Variants in ZDHHC7 observed in about 807,000 individuals in gnomAD.
The protein encoded by ZDHHC7 is zDHHC palmitoyltransferase 7.
In ZDHHC7, 12 loss-of-function variants were observed where a neutral mutation model predicts 34.1. The observed-to-expected ratio is 0.35, with a 90% CI of 0.23 to 0.57. The LOEUF (loss-of-function observed/expected upper bound fraction) is 0.57. ZDHHC7 is among the 20% of genes least tolerant of loss of function. The pLI is 0.84. For synonymous variants in ZDHHC7, 185 were observed against 155.4 expected, an observed-to-expected ratio of 1.19 and a Z score of -1.42; for missense variants, 388 against 402.7, an observed-to-expected ratio of 0.96 and a Z score of 0.31.
At chr16:85,004,017 T>C (rs2072685776) in intron 1 of ZDHHC7, among the ~76,000 whole-genome samples, 1 of 152,090 alleles carries the variant, frequency 6.6e-6, no homozygotes, top group South Asian at 2.1e-4. Flanking sequence ...AACCTCAGTT[T>C]CACGAAGTTT....
chr16:84,996,069 T>G (rs2072572709), intron 1 of ZDHHC7, 62 bp from the exon 2 acceptor site: 1 of 152,214 alleles, frequency 6.6e-6, no homozygotes. Flanking sequence ...GTGTGTCATA[T>G]TTCTTAGGGT....
the ZDHHC7 span, among the ~76,000 whole-genome samples, chr16:85,021,904 C>A: frequency 3.3e-5 from 5 of 151,802 alleles, no homozygotes; most frequent in Non-Finnish European, 7.4e-5. Context: ...CGCCTGTAAT[C>A]GCAGCACTTT....
intron 3 of ZDHHC7, chr16:84,988,981 C>T: frequency 8.8e-7 from 1 of 1,133,452 alleles, no homozygotes; most frequent in Non-Finnish European, 1.3e-6. Context: ...CAAGGGGTTT[C>T]TGCTGCAGCC....
upstream of ZDHHC7, among the ~76,000 whole-genome samples, chr16:85,012,673 G>A (rs986676873): frequency 2.0e-5 from 3 of 152,118 alleles, no homozygotes; most frequent in African/African-American, 7.2e-5. Flanking sequence ...AGGAGGCCGA[G>A]GCAGGCAGAT....
At chr16:84,988,361 A>G (rs1156244556) in intron 3 of ZDHHC7, among the ~76,000 whole-genome samples, 4 of 152,092 alleles carry the variant, frequency 2.6e-5, no homozygotes, top group Admixed American at 1.3e-4. Flanking sequence ...TGGATGCACT[A>G]AACACCACGG....
rs751003316 is a variant in ZDHHC7 at position 84,979,265 on chromosome 16, C to T, written c.461G>A (p.Arg154Gln). ...CCACGGGCAGTGATGATCCATTTTCCGAATACATCTTTTGCAAATACTGAA... is the reference window on the plus strand; with the variant it reads ...CCACGGGCAGTGATGATCCATTTTCTGAATACATCTTTTGCAAATACTGAA... ...HHCSICKRCI[R>Q]KMDHHCPWVN... Residue 154 changes from arginine to glutamine, a missense_variant, in exon 5 of 8, where the codon CGG becomes CAG. Physicochemically the swap from Arg to Gln is conservative, Grantham distance 43 (BLOSUM62 1). Transcript: ENST00000313732. The T allele has an allele frequency of 2.4e-5, 39 of 1,609,004 alleles. No homozygotes were observed. The Admixed American group carries it at 6.0e-4, about 25-fold the overall frequency.
At chr16:85,017,955 C>T in the ZDHHC7 span, among the ~76,000 whole-genome samples, 1 of 152,140 alleles carries the variant, frequency 6.6e-6, no homozygotes, top group Non-Finnish European at 1.5e-5. Context: ...TTTCTTGGAA[C>T]TGTGGTGCCA....
At chr16:85,021,989 T>C in the ZDHHC7 span, among the ~76,000 whole-genome samples, 2 of 149,214 alleles carry the variant, frequency 1.3e-5, no homozygotes, top group Non-Finnish European at 3.0e-5. Flanking sequence ...ACCCTGTCTG[T>C]ACTAAAAATA....
chr16:85,017,997 GA>G, the ZDHHC7 span, among the ~76,000 whole-genome samples: 1 of 152,072 alleles, frequency 6.6e-6, no homozygotes, highest in Non-Finnish European at 1.5e-5. Context: ...GGTGTTCTTG[GA>G]ACTGTCGAGA....
rs1038982546 is a variant in ZDHHC7, at chr16:84,986,947, C to A, written c.315+3357G>T. Among the ~76,000 whole-genome samples the A allele has an allele frequency of 3.3e-5, 5 of 152,198 alleles. 1 individual carries two copies. Among genetic ancestry groups the A allele is most frequent in the South Asian group, 2.1e-4 (1 of 4,832 alleles). ...CCCCACTGGGAGAACAGAGGTGACA[C>A]CTGACCCTGCTGGGCCATGCCCACT... On this transcript the variant is annotated intron_variant, in intron 3 of 7. Coordinates refer to ENST00000313732, the MANE Select transcript of ZDHHC7 (RefSeq NM_017740.3).
Position 84,981,961 on chromosome 16 carries a change from A to G in ZDHHC7, c.349T>C (p.Tyr117His), listed in dbSNP as rs1171808249. The G allele has an allele frequency of 6.2e-7, 1 of 1,614,206 alleles. No homozygotes were observed. Among genetic ancestry groups the G allele is most frequent in the Admixed American group, 1.7e-5 (1 of 60,026 alleles). ...GGCTTCAGCTGCAAGCTCTCCATGT[A>G]TTCTTTCGTAGCGTTTCCTTTGGGT... ...AVPKGNATKE[Y>H]MESLQLKPGE... The change falls in exon 4 of 8, where the codon TAC (tyrosine) becomes CAC (histidine). Residue 117 changes from tyrosine (Y) to histidine (H), a missense_variant. Physicochemically the swap from Tyr to His is moderately conservative, Grantham distance 83 (BLOSUM62 2). Transcript: ENST00000313732.
chr16:84,987,442 G>A (rs2072451124), intron 3 of ZDHHC7, among the ~76,000 whole-genome samples: 1 of 148,382 alleles, frequency 6.7e-6, no homozygotes. Context: ...CGATGTTTTG[G>A]GGTTTGTTTT....
Position 84,981,721 on chromosome 16 carries a change from A to T in ZDHHC7, c.440+149T>A, listed in dbSNP as rs13339472. Reference sequence around the variant, plus strand: ...TTACTCAGCTCCCTACCCCAGAAAGAACATGACACCTACGGCCCCGCCCGT... The same window carrying T: ...TTACTCAGCTCCCTACCCCAGAAAGTACATGACACCTACGGCCCCGCCCGT... On this transcript the variant is annotated intron_variant, in intron 4 of 7. Coordinates refer to ENST00000313732, the MANE Select transcript of ZDHHC7 (RefSeq NM_017740.3). The T allele has an allele frequency of 4.8e-3, 7,069 of 1,475,304 alleles. 250 individuals are homozygous for T. The African/African-American group carries it at 0.081, about 17-fold the overall frequency. The allele number at this position is 1,475,304 out of a possible 1,614,324, so 91.4% of individuals were successfully genotyped here.
rs116109761 is a variant in ZDHHC7, at chr16:85,000,758, G to A, written c.-103-4751C>T. ...AGTTGGGGGGTGAGCATCCAAGCAC[G>A]TACTCTGTGCAAGGCCTCAAGGATG... On this transcript the variant is annotated intron_variant, in intron 1 of 7. Coordinates refer to ENST00000313732, the MANE Select transcript of ZDHHC7 (RefSeq NM_017740.3). 5.6e-3 allele frequency among the ~76,000 whole-genome samples: 853 copies of A among 152,296 alleles called. 6 individuals are homozygous for A. Among genetic ancestry groups the A allele is most frequent in the African/African-American group, 0.02 (819 of 41,546 alleles).
At chr16:85,006,156 A>G (rs1217816383) in intron 1 of ZDHHC7, among the ~76,000 whole-genome samples, 4 of 152,144 alleles carry the variant, frequency 2.6e-5, no homozygotes, top group African/African-American at 9.7e-5. Context: ...TTGAGTTAAA[A>G]GACCAGCCTG....
chr16:85,022,928 A>C, the ZDHHC7 span, among the ~76,000 whole-genome samples: 1 of 152,176 alleles, frequency 6.6e-6, no homozygotes, highest in Non-Finnish European at 1.5e-5. Flanking sequence ...CTTAGTCAAT[A>C]TCAGTGTCTT....
In ZDHHC7 at chr16:84,990,563, T is replaced by G. The variant is rs1291796801; in HGVS notation, c.56A>C (p.Glu19Ala). The G allele has an allele frequency of 2.2e-5, 35 of 1,614,178 alleles. No individual in the cohort carries two copies. Among genetic ancestry groups the G allele is most frequent in the Non-Finnish European group, 2.8e-5 (33 of 1,180,044 alleles). The change falls in exon 3 of 8, where the codon GAA (glutamate) becomes GCA (alanine). Residue 19 changes from glutamate (E) to alanine (A), a missense_variant. Physicochemically the swap from Glu to Ala is moderately radical, Grantham distance 107. Transcript: ENST00000313732. Reference sequence around the variant, plus strand: ...CGATGAAGAGTCATAGTTGTCATTTTCAGCCAGGAGAGGATGATGCTCGAC... The same window carrying G: ...CGATGAAGAGTCATAGTTGTCATTTGCAGCCAGGAGAGGATGATGCTCGAC... ...RDVEHHPLLA[E>A]NDNYDSSSSS...
At chr16:85,022,578 T>C in the ZDHHC7 span, among the ~76,000 whole-genome samples, 15 of 152,132 alleles carry the variant, frequency 9.9e-5, no homozygotes, top group Non-Finnish European at 2.9e-5. Context: ...ACTATAGACT[T>C]ATCATTAATG....
intron 3 of ZDHHC7, among the ~76,000 whole-genome samples, chr16:84,986,834 A>G (rs1056626117): frequency 2.0e-5 from 3 of 152,164 alleles, no homozygotes; most frequent in African/African-American, 7.2e-5. Flanking sequence ...TCAACTGTTC[A>G]GTTCAGAGGT....
Sources: gnomAD v4.1 joint callset for allele counts (sites outside exome capture counted in the v4.1 genomes callset) on GRCh38, gnomAD v4.1.1 for gene constraint, MANE v1.5 for transcripts, NCBI Gene and HGNC (gene_info 2026-07-23, HGNC 2026-07-21) for gene names.